The following SFMBT2 variants were observed in gnomAD, a reference collection of about 807,000 sequenced individuals.
SFMBT2 encodes the protein Scm like with four mbt domains 2, also known as scm-like with four MBT domains protein 2.
A neutral mutation model predicts 110.1 loss-of-function variants in SFMBT2; 38 were observed. The ratio of observed to expected loss-of-function variants is 0.35; its 90% CI spans 0.27 to 0.45. The LOEUF (loss-of-function observed/expected upper bound fraction) is 0.45. Among genes scored for constraint, SFMBT2 ranks in the 20% least tolerant of loss-of-function variants. The pLI is 1.00. For synonymous variants in SFMBT2, 425 were observed against 425.4 expected (o/e 1.00, Z 0.01); for missense variants, 1,011 against 1,094.9 (o/e 0.92, Z 1.08).
chr10:7,385,826 C>T (rs930093583), intron 1 of SFMBT2, among the ~76,000 whole-genome samples: 10 of 152,146 alleles, frequency 6.6e-5, no homozygotes, highest in Non-Finnish European at 1.2e-4. Context: ...GGTGAAACCC[C>T]GTCTCTACTA....
At chr10:7,404,237 G>C (rs7098973) in intron 1 of SFMBT2, among the ~76,000 whole-genome samples, 10,542 of 152,192 alleles carry the variant, frequency 0.069, 1,172 homozygotes, top group African/African-American at 0.24. Context: ...ATTCCTTGCA[G>C]GTGCTCATTT....
chr10:7,334,366 G>A (rs899374906), intron 4 of SFMBT2, among the ~76,000 whole-genome samples: 2 of 152,098 alleles, frequency 1.3e-5, no homozygotes, highest in East Asian at 1.9e-4. Flanking sequence ...GCTGCCTTCC[G>A]TGTCTAAGAG....
At position 7,350,517 on chromosome 10, in the gene SFMBT2, C is replaced by T. The variant is rs899286786; in HGVS notation, c.436+17132G>A. On this transcript the variant is annotated intron_variant, in intron 4 of 20. Transcript: ENST00000397167. ...TTGCTTCCTCCTAATAAATGTCTTC[C>T]CAAAGTGGCCATGAACTGGCCACGA... is the stretch of plus-strand genomic sequence containing the variant. Among the ~76,000 whole-genome samples the T allele has an allele frequency of 8.5e-5, 13 of 152,288 alleles. No individual in the cohort carries two copies. The South Asian group carries it at 1.0e-3, about 12-fold the overall frequency.
At position 7,340,394 on chromosome 10, in the gene SFMBT2, G is replaced by T. The variant is rs569075680; in HGVS notation, c.436+27255C>A. ...CACACTTCAAATTCGTGTTGTTCAA[G>T]GGTCAACTGTAGTTGTTTTTAAGAT... On this transcript the variant is annotated intron_variant, in intron 4 of 20. Coordinates refer to ENST00000397167, the MANE Select transcript of SFMBT2 (RefSeq NM_001387889.1). 2.0e-5 allele frequency among the ~76,000 whole-genome samples: 3 copies of T among 152,146 alleles called. No individual in the cohort carries two copies. In the South Asian group the frequency reaches 6.2e-4, roughly 32 times the overall value.
At chr10:7,358,244 G>A (rs924683208) in intron 4 of SFMBT2, among the ~76,000 whole-genome samples, 8 of 151,432 alleles carry the variant, frequency 5.3e-5, no homozygotes, top group Non-Finnish European at 1.0e-4. Flanking sequence ...CACCTGCATG[G>A]CCCTAGAACA....
chr10:7,356,156 G>T (rs531669860), intron 4 of SFMBT2, among the ~76,000 whole-genome samples: 19 of 152,268 alleles, frequency 1.2e-4, no homozygotes, highest in African/African-American at 4.1e-4. Flanking sequence ...CGAGGGAGAG[G>T]CATCTCCGTA....
At position 7,241,895 on chromosome 10, in the gene SFMBT2, A is replaced by G. The variant is rs910793740; in HGVS notation, c.1120+1663T>C. Among the ~76,000 whole-genome samples, 14 of 152,336 alleles carry G rather than the reference A, an allele frequency of 9.2e-5. No homozygotes were observed. In the South Asian group the frequency reaches 2.9e-3, roughly 32 times the overall value. On this transcript the variant is annotated intron_variant, in intron 9 of 20. Transcript: ENST00000397167. ...TACTTTTCCTTTTTTTCACTCAATG[A>G]GGAAACAGCCAACCATTTTTTCAAA...
At chr10:7,411,065 C>CTTTTTTT (rs766788794), upstream of SFMBT2, among the ~76,000 whole-genome samples, 145 of 53,910 alleles carry the variant, frequency 2.7e-3, 10 homozygotes, top group African/African-American at 0.013. Flanking sequence ...GCTCGGCGCT[C>CTTTTTTT]TTTTTTTTTT....
chr10:7,361,613 A>G (rs931120518), intron 4 of SFMBT2, among the ~76,000 whole-genome samples: 1 of 152,254 alleles, frequency 6.6e-6, no homozygotes, highest in Non-Finnish European at 1.5e-5. Context: ...AACTAACTCC[A>G]CTAATTTTGA....
intron 4 of SFMBT2, among the ~76,000 whole-genome samples, chr10:7,356,096 G>T (rs1844501365): frequency 6.6e-6 from 1 of 152,184 alleles, no homozygotes. Context: ...CTCCATTTGA[G>T]CCTGATGTGT....
At chr10:7,395,107 T>C (rs1040438852) in intron 1 of SFMBT2, among the ~76,000 whole-genome samples, 8 of 152,024 alleles carry the variant, frequency 5.3e-5, no homozygotes, top group African/African-American at 1.9e-4. Context: ...TTACCTGAGG[T>C]CAGGAGTTCG....
chr10:7,340,935 A>G (rs1843882078), intron 4 of SFMBT2, among the ~76,000 whole-genome samples: 2 of 152,200 alleles, frequency 1.3e-5, no homozygotes, highest in South Asian at 4.1e-4. Flanking sequence ...TGATTTAACA[A>G]TCACTCCAGC....
rs759239735 is a variant in SFMBT2 at position 7,172,705 on chromosome 10, C to A, written c.1985-44G>T. On this transcript the variant is annotated intron_variant, in intron 17 of 20. Coordinates refer to ENST00000397167, the MANE Select transcript of SFMBT2 (RefSeq NM_001387889.1). This position sits in a 1 kb window ranked among gnomAD's most constrained non-coding sequence, Gnocchi z 4.6. ...GAAACTTTTGAAGGCTATACACACA[C>A]ACAGACATGAACAGAGAGAGGAGAG... 1.1e-5 allele frequency: 17 copies of A among 1,574,904 alleles called. No homozygotes were observed. The highest frequency in any genetic ancestry group is 1.8e-5 in the Admixed American group (1 of 55,538).
intron 15 of SFMBT2, among the ~76,000 whole-genome samples, chr10:7,193,953 T>A (rs1838688581): frequency 6.6e-6 from 1 of 152,076 alleles, no homozygotes; most frequent in Admixed American, 6.6e-5. Flanking sequence ...GGATTTGGGA[T>A]AGAAAAAGAT....
chr10:7,160,149 C>G lies in SFMBT2; in HGVS notation c.*3621G>C, dbSNP rs1030653934. 6 of 152,152 alleles carry G rather than the reference C, an allele frequency of 3.9e-5. No homozygotes were observed. Among genetic ancestry groups the G allele is most frequent in the Non-Finnish European group, 7.3e-5 (5 of 68,046 alleles). 9.4% of individuals were successfully genotyped at this position (152,152 alleles called of 1,614,324 possible). On this transcript the variant is annotated 3_prime_UTR_variant, in exon 21 of 21. Transcript: ENST00000397167. ...TGACTCCAACTTGGATCAAATGACTCTAATTTTGAAAGTGATGGATGAGTT... is the reference window on the plus strand; with the variant it reads ...TGACTCCAACTTGGATCAAATGACTGTAATTTTGAAAGTGATGGATGAGTT...
At chr10:7,238,223 G>A (rs558530873) in intron 9 of SFMBT2, among the ~76,000 whole-genome samples, 7 of 152,300 alleles carry the variant, frequency 4.6e-5, no homozygotes, top group East Asian at 1.9e-4. Flanking sequence ...ACTCACTAGC[G>A]GCCTGAAACA....
At chr10:7,197,472 T>C in intron 15 of SFMBT2, 76 bp downstream of exon 15, 1 of 1,562,572 alleles carries the variant, frequency 6.4e-7, no homozygotes, top group East Asian at 2.3e-5. Flanking sequence ...GCCTATTCCC[T>C]CCTTCAGAAA....
Position 7,248,596 on chromosome 10 carries a change from T to C in SFMBT2, c.924A>G (p.Thr308=), listed in dbSNP as rs758501057. ...TGTAAAAGGGCTCGCACATATTCAC[T>C]GTCTCAAGCTTCATCCCAACTGTGA... ...HFFTVGMKLE[T]VNMCEPFYIS... is the part of the protein sequence containing the mutation. Residue 308 remains threonine (T), a synonymous_variant, in exon 8 of 21, where the codon ACA becomes ACG. Transcript: ENST00000397167. 7.4e-6 allele frequency: 12 copies of C among 1,614,192 alleles called. 1 individual carries two copies. Among genetic ancestry groups the C allele is most frequent in the Non-Finnish European group, 9.3e-6 (11 of 1,180,034 alleles).
At chr10:7,204,315 G>C (rs1839058000) in intron 12 of SFMBT2, 1 of 983,738 alleles carries the variant, frequency 1.0e-6, no homozygotes, top group Admixed American at 6.2e-5. Flanking sequence ...CTATGCAATG[G>C]AACTGTGTTT....
Sources: allele counts gnomAD v4.1 joint callset (sites outside exome capture counted in the v4.1 genomes callset), GRCh38; gene constraint gnomAD v4.1.1; non-coding constraint Gnocchi (gnomAD v3.1); transcripts MANE v1.5; gene names NCBI Gene and HGNC (gene_info 2026-07-23, HGNC 2026-07-21).